TENM2: variants seen among roughly 807,000 people sequenced by gnomAD.
TENM2 encodes teneurin-2.
Under a neutral mutation model 245.2 loss-of-function variants are expected in TENM2, and 52 were observed. The ratio of observed to expected loss-of-function variants is 0.21; its 90% CI spans 0.17 to 0.27. The LOEUF (loss-of-function observed/expected upper bound fraction) is 0.27, where lower values mean the gene tolerates loss of function less well. TENM2 is among the 10% of genes least tolerant of loss of function. The probability of loss-of-function intolerance (pLI) is 1.00; values close to 1 mark genes in which losing one functional copy is unlikely to be tolerated. For synonymous variants in TENM2, 1,363 were observed against 1,438.9 expected (o/e 0.95, Z 1.19); for missense variants, 3,046 against 3,666.8 (o/e 0.83, Z 4.37).
chr5:167,373,826 G>C (rs144739060), intron 1 of TENM2, among the ~76,000 whole-genome samples: 174 of 152,250 alleles, frequency 1.1e-3, no homozygotes, highest in African/African-American at 4.1e-3. Flanking sequence ...AAAATGCTGG[G>C]CTATGATGGT....
chr5:168,182,251 A>G (rs920153399), intron 13 of TENM2, among the ~76,000 whole-genome samples: 1 of 152,204 alleles, frequency 6.6e-6, no homozygotes, highest in East Asian at 1.9e-4. Flanking sequence ...AAATACTTTC[A>G]ATTATCCTCA....
At chr5:167,861,273 G>A (rs1771777610) in intron 2 of TENM2, among the ~76,000 whole-genome samples, 1 of 152,142 alleles carries the variant, frequency 6.6e-6, no homozygotes, top group African/African-American at 2.4e-5. Context: ...GGGGTGGAAG[G>A]AGAAAGAACC....
chr5:167,442,386 T>C (rs1764924623), intron 2 of TENM2, among the ~76,000 whole-genome samples: 1 of 152,324 alleles, frequency 6.6e-6, no homozygotes, highest in Non-Finnish European at 1.5e-5. Context: ...GTGAGTGGGC[T>C]CTCTAAACCC....
intron 2 of TENM2, among the ~76,000 whole-genome samples, chr5:167,675,635 A>C (rs1004647966): frequency 6.6e-6 from 1 of 152,070 alleles, no homozygotes; most frequent in Non-Finnish European, 1.5e-5. Context: ...TGCACAGTGG[A>C]TAAGGAGGTT....
At chr5:167,914,745 G>A (rs1380733049) in intron 3 of TENM2, among the ~76,000 whole-genome samples, 1 of 152,110 alleles carries the variant, frequency 6.6e-6, no homozygotes, top group Non-Finnish European at 1.5e-5. Context: ...TCTCTCCCTA[G>A]CTTCTGGTGT....
intron 2 of TENM2, among the ~76,000 whole-genome samples, chr5:167,626,640 G>A (rs1191256261): frequency 1.3e-5 from 2 of 152,164 alleles, no homozygotes; most frequent in African/African-American, 4.8e-5. Flanking sequence ...TAAGTTCGGG[G>A]TGATTCTGAT....
At chr5:167,160,555 G>A in the TENM2 span, among the ~76,000 whole-genome samples, 672 of 152,320 alleles carry the variant, frequency 4.4e-3, 5 homozygotes, top group African/African-American at 0.015. Flanking sequence ...GGAATACTTC[G>A]CTGACACAAT....
chr5:167,110,704 C>T, the TENM2 span, among the ~76,000 whole-genome samples: 2 of 152,170 alleles, frequency 1.3e-5, no homozygotes, highest in African/African-American at 4.8e-5. Flanking sequence ...TAATTTTATT[C>T]TCTTATGTGG....
the TENM2 span, among the ~76,000 whole-genome samples, chr5:167,080,773 A>G: frequency 1.3e-5 from 2 of 152,216 alleles, no homozygotes; most frequent in Admixed American, 1.3e-4. Flanking sequence ...GTATCTTCTC[A>G]AAGAATATGT....
chr5:167,690,753 TTAAG>T (rs1018924493), intron 2 of TENM2, among the ~76,000 whole-genome samples: 2 of 152,152 alleles, frequency 1.3e-5, no homozygotes, highest in Non-Finnish European at 1.5e-5. Context: ...TCCTTGCAAC[TTAAG>T]TGTCTTTAAA....
At chr5:168,061,967 A>G (rs1405568605) in intron 6 of TENM2, 93 bp from the exon 9 acceptor site, 2 of 1,153,280 alleles carry the variant, frequency 1.7e-6, no homozygotes, top group African/African-American at 1.6e-5. Flanking sequence ...TAAAACAACA[A>G]CAAAAAAAAA....
chr5:167,170,240 G>A, the TENM2 span, among the ~76,000 whole-genome samples: 3 of 152,178 alleles, frequency 2.0e-5, no homozygotes, highest in African/African-American at 7.2e-5. Context: ...GGGGAAAAAC[G>A]TACAATCGAG....
intron 2 of TENM2, among the ~76,000 whole-genome samples, chr5:167,556,358 T>G (rs1773258481): frequency 6.6e-6 from 1 of 151,912 alleles, no homozygotes; most frequent in East Asian, 1.9e-4. Flanking sequence ...AATGGCATCT[T>G]TCTGAATTGT....
chr5:167,939,363 C>T (rs949632169), intron 3 of TENM2, among the ~76,000 whole-genome samples: 1 of 152,206 alleles, frequency 6.6e-6, no homozygotes, highest in African/African-American at 2.4e-5. Flanking sequence ...GGAGGCGGAG[C>T]TCAGGCAGTA....
At chr5:167,968,072 G>C (rs1050304482) in intron 4 of TENM2, among the ~76,000 whole-genome samples, 4 of 152,142 alleles carry the variant, frequency 2.6e-5, no homozygotes, top group African/African-American at 9.7e-5. Flanking sequence ...GCTTTTGTGA[G>C]TTGGAATCTT....
rs748059572 is a variant in TENM2, at chr5:168,247,932, C to T, written c.6993C>T (p.Arg2331=). Residue 2331 remains arginine, a synonymous_variant, in exon 27 of 29, where the codon CGC becomes CGT. Transcript: ENST00000518659. This position sits in a 1 kb window ranked among gnomAD's most constrained non-coding sequence, Gnocchi z 7.8. ...ACTCTGACCTCCACAACCCGACGCG[C>T]ATCACCCATGTCTACAATCACTCCA... The T allele has an allele frequency of 1.9e-5, 31 of 1,613,862 alleles. No individual in the cohort carries two copies. The highest frequency in any genetic ancestry group is 5.3e-5 in the African/African-American group (4 of 74,914).
chr5:168,083,445 T>C (rs1792177698), intron 7 of TENM2, among the ~76,000 whole-genome samples: 1 of 152,222 alleles, frequency 6.6e-6, no homozygotes, highest in Non-Finnish European at 1.5e-5. Flanking sequence ...CTCTGTGGGC[T>C]GCACCCACTG....
the TENM2 span, among the ~76,000 whole-genome samples, chr5:167,084,132 T>G: frequency 6.6e-6 from 1 of 151,184 alleles, no homozygotes; most frequent in Non-Finnish European, 1.5e-5. Context: ...TTTTTTTTGT[T>G]ATAGATAGTT....
chr5:167,959,038 T>A (rs896996114), intron 4 of TENM2, among the ~76,000 whole-genome samples: 1 of 152,218 alleles, frequency 6.6e-6, no homozygotes, highest in African/African-American at 2.4e-5. Flanking sequence ...TCTTGCTAGG[T>A]TGGGGAAGTT....
Sources: allele counts gnomAD v4.1 joint callset (sites outside exome capture counted in the v4.1 genomes callset), GRCh38; gene constraint gnomAD v4.1.1; non-coding constraint Gnocchi (gnomAD v3.1); transcripts MANE v1.5; gene names NCBI Gene and HGNC (gene_info 2026-07-23, HGNC 2026-07-21).